The following GPHN variants were observed in gnomAD, a reference collection of about 807,000 sequenced individuals.
GPHN encodes gephyrin.
In GPHN, 17 loss-of-function variants were observed where a neutral mutation model predicts 95.5. The observed-to-expected ratio is 0.18, with a 90% CI of 0.12 to 0.27. The LOEUF (loss-of-function observed/expected upper bound fraction) is 0.27. Ranked by LOEUF, GPHN falls within the 10% of genes least tolerant of loss-of-function variation. The pLI is 1.00. For missense variants in GPHN, 660 were observed against 978.1 expected (o/e 0.67, Z 4.34); for synonymous variants, 320 against 322.5 (o/e 0.99, Z 0.08).
chr14:67,288,371 C>T, the GPHN span, among the ~76,000 whole-genome samples: 1 of 152,064 alleles, frequency 6.6e-6, no homozygotes, highest in African/African-American at 2.4e-5. Flanking sequence ...CATGACCCAC[C>T]GCACCCAGCC....
At chr14:67,113,410 ATAT>A (rs1422228686) in intron 16 of GPHN, among the ~76,000 whole-genome samples, 1 of 152,240 alleles carries the variant, frequency 6.6e-6, no homozygotes, top group African/African-American at 2.4e-5. Flanking sequence ...TTAGAATGAA[ATAT>A]TATAACCAAT....
the GPHN span, among the ~76,000 whole-genome samples, chr14:67,681,242 T>C: frequency 1.3e-5 from 2 of 152,210 alleles, no homozygotes; most frequent in East Asian, 3.8e-4. Flanking sequence ...AAGGCAGGCC[T>C]CACCAGAGAC....
the GPHN span, among the ~76,000 whole-genome samples, chr14:67,496,880 C>T: frequency 6.6e-6 from 1 of 151,966 alleles, no homozygotes; most frequent in Non-Finnish European, 1.5e-5. Flanking sequence ...TCACTGCAAC[C>T]TCTGCCTCCC....
At chr14:67,599,035 T>A in the GPHN span, among the ~76,000 whole-genome samples, 1 of 152,186 alleles carries the variant, frequency 6.6e-6, no homozygotes, top group South Asian at 2.1e-4. Context: ...TTTAGATAGT[T>A]AGATAGTTTC....
At chr14:67,509,931 A>G in the GPHN span, among the ~76,000 whole-genome samples, 1 of 152,006 alleles carries the variant, frequency 6.6e-6, no homozygotes, top group Non-Finnish European at 1.5e-5. Flanking sequence ...GATCACTTGA[A>G]CCCAGGAGTT....
chr14:67,325,623 T>C, the GPHN span, among the ~76,000 whole-genome samples: 1 of 152,118 alleles, frequency 6.6e-6, no homozygotes, highest in African/African-American at 2.4e-5. Flanking sequence ...GAACAGAAAC[T>C]CCATGGTTGT....
the GPHN span, among the ~76,000 whole-genome samples, chr14:67,290,553 A>G: frequency 2.0e-5 from 3 of 152,170 alleles, no homozygotes; most frequent in East Asian, 5.8e-4. Context: ...AATATTTTGT[A>G]TTTTTAAAAA....
intron 16 of GPHN, among the ~76,000 whole-genome samples, chr14:67,116,049 C>T (rs1022458052): frequency 5.9e-5 from 9 of 152,092 alleles, no homozygotes; most frequent in Non-Finnish European, 1.0e-4. Flanking sequence ...TGTCTGTAAT[C>T]CCAGCACTTT....
At chr14:67,638,719 A>C in the GPHN span, among the ~76,000 whole-genome samples, 1 of 152,230 alleles carries the variant, frequency 6.6e-6, no homozygotes. Context: ...TCAAGGTATA[A>C]ATCCCTTTAG....
chr14:67,383,193 C>A, the GPHN span: 19 of 1,081,308 alleles, frequency 1.8e-5, no homozygotes, highest in East Asian at 5.0e-4. Context: ...CAAAAGTGAA[C>A]AGATATGACA....
rs189746282 is a variant in GPHN, at chr14:66,733,047, C to T, written c.144-43417C>T. Among the ~76,000 whole-genome samples, 3 of 152,196 alleles carry T rather than the reference C, an allele frequency of 2.0e-5. No homozygotes were observed. In the East Asian group the frequency reaches 5.8e-4, roughly 29 times the overall value. On this transcript the variant is annotated intron_variant, in intron 2 of 22. Transcript: ENST00000478722. Reference sequence around the variant, plus strand: ...CATATCACATCTTGAATTGTGATCCCCATGAGTCAAGGGAGGGAGCTGTAA... The same window carrying T: ...CATATCACATCTTGAATTGTGATCCTCATGAGTCAAGGGAGGGAGCTGTAA...
At chr14:67,083,071 T>C (rs2076752947) in intron 11 of GPHN, among the ~76,000 whole-genome samples, 1 of 152,222 alleles carries the variant, frequency 6.6e-6, no homozygotes, top group Admixed American at 6.5e-5. Flanking sequence ...GAAAAAGACA[T>C]TTTGAGTAAG....
At chr14:67,648,345 A>AT in the GPHN span, 9 of 738,654 alleles carry the variant, frequency 1.2e-5, no homozygotes, top group African/African-American at 1.6e-4. Context: ...TAAAAAGGAT[A>AT]TAGTCCTTTA....
the GPHN span, chr14:67,569,973 C>T: frequency 6.2e-7 from 1 of 1,609,020 alleles, no homozygotes; most frequent in Non-Finnish European, 8.5e-7. Flanking sequence ...GCCTGGTCTA[C>T]AAGAATGTCA....
chr14:67,360,226 T>C, the GPHN span: 1 of 400,412 alleles, frequency 2.5e-6, no homozygotes. Flanking sequence ...GGTCCTTCCA[T>C]GATCTACATT....
intron 1 of GPHN, among the ~76,000 whole-genome samples, chr14:66,567,987 G>A (rs2060528949): frequency 6.6e-6 from 1 of 152,144 alleles, no homozygotes; most frequent in African/African-American, 2.4e-5. Flanking sequence ...ATGAGTGATA[G>A]TTAAGAAGAA....
At chr14:66,615,135 G>T (rs545467347) in intron 1 of GPHN, among the ~76,000 whole-genome samples, 22 of 152,040 alleles carry the variant, frequency 1.4e-4, no homozygotes, top group African/African-American at 5.1e-4. Context: ...GGTTGGTTCC[G>T]TGTCTTTGCT....
chr14:66,866,974 T>G (rs749694424), intron 4 of GPHN, among the ~76,000 whole-genome samples: 1 of 152,156 alleles, frequency 6.6e-6, no homozygotes, highest in Non-Finnish European at 1.5e-5. Flanking sequence ...AAATTTGTAC[T>G]CTTTTCTTCC....
At chr14:67,625,946 C>T in the GPHN span, among the ~76,000 whole-genome samples, 573 of 152,132 alleles carry the variant, frequency 3.8e-3, 3 homozygotes, top group African/African-American at 0.012. Context: ...TTAGTCATTA[C>T]GGAAATGCAA....
Sources: allele counts gnomAD v4.1 joint callset (sites outside exome capture counted in the v4.1 genomes callset), GRCh38; gene constraint gnomAD v4.1.1; transcripts MANE v1.5; gene names NCBI Gene and HGNC (gene_info 2026-07-23, HGNC 2026-07-21).